TBCK: variants seen among roughly 807,000 people sequenced by gnomAD.
TBCK encodes the protein TBC domain-containing protein kinase-like protein.
Under a neutral mutation model 113.4 loss-of-function variants are expected in TBCK, and 99 were observed. That is an observed-to-expected ratio of 0.87 (90% CI 0.74 to 1.03). The LOEUF (loss-of-function observed/expected upper bound fraction) is 1.03, where lower values mean the gene tolerates loss of function less well. Ranked by LOEUF, TBCK falls within the 50% of genes least tolerant of loss-of-function variation. TBCK has a pLI of 0.00. For missense variants in TBCK, 1,045 were observed against 1,061.3 expected (o/e 0.98, Z 0.21); for synonymous variants, 369 against 370.8 (o/e 1.00, Z 0.05).
intron 12 of TBCK, among the ~76,000 whole-genome samples, chr4:106,241,258 T>C (rs551425248): frequency 6.9e-6 from 1 of 144,122 alleles, no homozygotes; most frequent in Admixed American, 6.7e-5. Context: ...ATAAGACAAA[T>C]AAATGACATA....
At chr4:106,278,328 C>A (rs1764221655) in intron 3 of TBCK, among the ~76,000 whole-genome samples, 1 of 151,936 alleles carries the variant, frequency 6.6e-6, no homozygotes, top group African/African-American at 2.4e-5. Flanking sequence ...GAGGCCGAGG[C>A]AGGTGGATTG....
At chr4:106,194,154 TGA>T (rs1409874891) in intron 21 of TBCK, among the ~76,000 whole-genome samples, 2 of 152,050 alleles carry the variant, frequency 1.3e-5, no homozygotes, top group African/African-American at 4.8e-5. Context: ...AAAAATCCTA[TGA>T]GCAACTTCCT....
intron 3 of TBCK, among the ~76,000 whole-genome samples, chr4:106,277,979 T>C (rs1764191651): frequency 6.6e-6 from 1 of 152,208 alleles, no homozygotes. Context: ...AAAGATGGGT[T>C]AAATTTAGCT....
At chr4:106,127,206 CAAAA>C (rs35461999) in intron 23 of TBCK, among the ~76,000 whole-genome samples, 1 of 65,504 alleles carries the variant, frequency 1.5e-5, no homozygotes, top group Non-Finnish European at 3.1e-5. Flanking sequence ...GACTCCGTCT[CAAAA>C]AAAAAAAAAA....
chr4:106,175,299 G>A (rs1159686268), intron 22 of TBCK, among the ~76,000 whole-genome samples: 1 of 150,568 alleles, frequency 6.6e-6, no homozygotes. Context: ...GCTTTCCTCA[G>A]AGATTTTGTG....
In TBCK at chr4:106,041,908, T is replaced by C. The variant is rs771107711; in HGVS notation, c.*4662A>G. 7.9e-5 allele frequency: 12 copies of C among 152,224 alleles called. No homozygotes were observed. Among genetic ancestry groups the C allele is most frequent in the Admixed American group, 3.3e-4 (5 of 15,280 alleles). 9.4% of individuals were successfully genotyped at this position (152,224 alleles called of 1,614,324 possible). Reference sequence around the variant, plus strand: ...TAAATACATGTGACTTTATAAAATATGGCTAACTTTTAAAATAGGTATTTA... The same window carrying C: ...TAAATACATGTGACTTTATAAAATACGGCTAACTTTTAAAATAGGTATTTA... On this transcript the variant is annotated 3_prime_UTR_variant, in exon 26 of 26. Transcript: ENST00000394708.
rs1192364285 is a variant in TBCK at position 106,219,370 on chromosome 4, TAATAAAAA to T, written c.1775-6543_1775-6536del. Reference sequence around the variant, plus strand: ...ATGTACCCTAAAACTTAAAGTATAATAATAAAAAAATAAAAAAATAAAAAATAAATAAA... The same window carrying T: ...ATGTACCCTAAAACTTAAAGTATAATAATAAAAAAATAAAAAATAAATAAA... On this transcript the variant is annotated intron_variant, in intron 19 of 25. Transcript: ENST00000394708. 4.9e-4 allele frequency among the ~76,000 whole-genome samples: 73 copies of T among 149,194 alleles called. No individual in the cohort carries two copies. In the South Asian group the frequency reaches 8.2e-3, roughly 17 times the overall value.
intron 24 of TBCK, among the ~76,000 whole-genome samples, chr4:106,103,676 G>A (rs1054722711): frequency 6.6e-6 from 1 of 152,192 alleles, no homozygotes; most frequent in Non-Finnish European, 1.5e-5. Flanking sequence ...GCTATTATTA[G>A]AAGTCAATTT....
intron 23 of TBCK, among the ~76,000 whole-genome samples, chr4:106,159,539 A>G (rs990400415): frequency 1.3e-5 from 2 of 152,102 alleles, no homozygotes; most frequent in African/African-American, 2.4e-5. Flanking sequence ...TTACAATAGC[A>G]TCAAAAGGAA....
At chr4:106,069,128 T>C (rs1421087729) in intron 25 of TBCK, among the ~76,000 whole-genome samples, 2 of 152,234 alleles carry the variant, frequency 1.3e-5, no homozygotes, top group Admixed American at 6.5e-5. Flanking sequence ...TCTTTTGCTG[T>C]GCAGAAGCTC....
intron 23 of TBCK, among the ~76,000 whole-genome samples, chr4:106,122,968 G>C (rs1387413402): frequency 2.0e-5 from 3 of 152,224 alleles, no homozygotes; most frequent in Non-Finnish European, 4.4e-5. Context: ...ACTGGCACAA[G>C]ACAGGGATGC....
intron 19 of TBCK, among the ~76,000 whole-genome samples, chr4:106,219,461 G>A (rs899878566): frequency 1.3e-5 from 2 of 151,604 alleles, no homozygotes; most frequent in Admixed American, 6.6e-5. Flanking sequence ...TCAGAAAGTA[G>A]AGATACGGTA....
intron 23 of TBCK, among the ~76,000 whole-genome samples, chr4:106,124,664 T>C (rs1227038586): frequency 6.6e-6 from 1 of 152,054 alleles, no homozygotes; most frequent in African/African-American, 2.4e-5. Flanking sequence ...TGGAATACTA[T>C]GCAGCCATAA....
intron 2 of TBCK, among the ~76,000 whole-genome samples, chr4:106,306,277 A>G (rs1227832243): frequency 1.4e-5 from 2 of 137,996 alleles, no homozygotes; most frequent in Non-Finnish European, 3.1e-5. Flanking sequence ...TAGAGACAGA[A>G]TCTTATTACA....
chr4:106,314,992 T>C (rs887274894), intron 1 of TBCK, among the ~76,000 whole-genome samples: 1 of 152,152 alleles, frequency 6.6e-6, no homozygotes. Flanking sequence ...TAAAACACAA[T>C]GATCGAAAAA....
At chr4:106,296,723 A>G (rs1281568483) in intron 2 of TBCK, among the ~76,000 whole-genome samples, 1 of 152,176 alleles carries the variant, frequency 6.6e-6, no homozygotes, top group African/African-American at 2.4e-5. Context: ...AAAGATTCCA[A>G]TTGTAGAGGA....
chr4:106,107,776 T>C (rs1197324563), intron 24 of TBCK, among the ~76,000 whole-genome samples: 1 of 151,910 alleles, frequency 6.6e-6, no homozygotes, highest in East Asian at 1.9e-4. Context: ...TGAGAAATAA[T>C]TACAAAAATC....
chr4:106,240,480 C>T (rs1447994262), intron 12 of TBCK, among the ~76,000 whole-genome samples: 2 of 151,828 alleles, frequency 1.3e-5, no homozygotes, highest in African/African-American at 2.4e-5. Context: ...AGCAATGTTG[C>T]CTGACACAAA....
At chr4:106,062,160 ATAGAT>A (rs1193755299) in intron 25 of TBCK, among the ~76,000 whole-genome samples, 2 of 151,876 alleles carry the variant, frequency 1.3e-5, no homozygotes, top group Non-Finnish European at 2.9e-5. Context: ...CTATAGATTT[ATAGAT>A]TAGTGATTAA....
Sources: allele counts gnomAD v4.1 joint callset (sites outside exome capture counted in the v4.1 genomes callset), GRCh38; gene constraint gnomAD v4.1.1; transcripts MANE v1.5; gene names NCBI Gene and HGNC (gene_info 2026-07-23, HGNC 2026-07-21).